KLHL29: variants seen among roughly 807,000 people sequenced by gnomAD.
KLHL29 encodes kelch-like protein 29.
In KLHL29, 21 loss-of-function variants were observed where a neutral mutation model predicts 80.4. That is an observed-to-expected ratio of 0.26 (90% CI 0.19 to 0.38). The LOEUF is 0.38. KLHL29 is among the 10% of genes least tolerant of loss of function. KLHL29 has a pLI of 1.00. For missense variants in KLHL29, 867 were observed against 1,223.9 expected, an observed-to-expected ratio of 0.71 and a Z score of 4.35; for synonymous variants, 511 against 526.8, an observed-to-expected ratio of 0.97 and a Z score of 0.41.
chr2:23,665,513 T>C (rs1224513783), intron 5 of KLHL29, among the ~76,000 whole-genome samples: 1 of 152,200 alleles, frequency 6.6e-6, no homozygotes, highest in Non-Finnish European at 1.5e-5. Flanking sequence ...CCTTTTCAAC[T>C]AGGGAACTGT....
chr2:23,578,513 T>C (rs1667897292), intron 3 of KLHL29, among the ~76,000 whole-genome samples: 1 of 152,242 alleles, frequency 6.6e-6, no homozygotes, highest in Non-Finnish European at 1.5e-5. Context: ...CAGAGCAGAC[T>C]CTGTAAGCAT....
rs1250704714 is a variant in KLHL29 at position 23,708,329 on chromosome 2, G to T, written c.*1665G>T. 2 of 152,226 alleles carry T rather than the reference G, an allele frequency of 1.3e-5. No homozygotes were observed. The highest frequency in any genetic ancestry group is 1.5e-5 in the Non-Finnish European group (1 of 68,046). 9.4% of individuals were successfully genotyped at this position (152,226 alleles called of 1,614,324 possible). A position where few individuals can be genotyped will look rare whatever the true frequency, so the allele number is the denominator to read the frequency against. On this transcript the variant is annotated 3_prime_UTR_variant, in exon 14 of 14. Coordinates refer to ENST00000486442, the MANE Select transcript of KLHL29 (RefSeq NM_052920.2). ...AGTATTTATGTCAAACAGGGTGCAAGTGTGAACCCAAGGACTGGAGCACAA... is the reference window on the plus strand; with the variant it reads ...AGTATTTATGTCAAACAGGGTGCAATTGTGAACCCAAGGACTGGAGCACAA...
At chr2:23,399,488 ATG>A (rs1666535683) in intron 1 of KLHL29, among the ~76,000 whole-genome samples, 1 of 152,348 alleles carries the variant, frequency 6.6e-6, no homozygotes, top group South Asian at 2.1e-4. Context: ...TAGGAAAAAA[ATG>A]TGTTTTACAA....
At chr2:23,601,183 A>C (rs1357757098) in intron 3 of KLHL29, among the ~76,000 whole-genome samples, 1 of 152,180 alleles carries the variant, frequency 6.6e-6, no homozygotes. Flanking sequence ...CCAAGACCGC[A>C]CAAAAAGGCG....
rs1373298491 is a variant in KLHL29, at chr2:23,707,926, G to A, written c.*1262G>A. 1 of 152,254 alleles carries A rather than the reference G, an allele frequency of 6.6e-6. No individual in the cohort carries two copies. 9.4% of individuals were successfully genotyped at this position (152,254 alleles called of 1,614,324 possible). A position where few individuals can be genotyped will look rare whatever the true frequency, so the allele number is the denominator to read the frequency against. On this transcript the variant is annotated 3_prime_UTR_variant, in exon 14 of 14. Coordinates refer to ENST00000486442, the MANE Select transcript of KLHL29 (RefSeq NM_052920.2). Reference sequence around the variant, plus strand: ...TCACACCATGGCTCAAAAGGGAAAGGCCTTCCCACTTGTCCTTAGCCCCTC... The same window carrying A: ...TCACACCATGGCTCAAAAGGGAAAGACCTTCCCACTTGTCCTTAGCCCCTC...
chr2:23,561,983 T>C (rs768901846), intron 2 of KLHL29, among the ~76,000 whole-genome samples, 169 bp from the exon 3 acceptor site: 26 of 152,142 alleles, frequency 1.7e-4, no homozygotes, highest in Non-Finnish European at 2.4e-4. Flanking sequence ...TCCTTGTCTG[T>C]GAAGTGGGGC....
chr2:23,586,471 T>A (rs544263126), intron 3 of KLHL29, among the ~76,000 whole-genome samples: 35 of 151,426 alleles, frequency 2.3e-4, no homozygotes, highest in Admixed American at 2.1e-3. Context: ...GCAATCCTTC[T>A]GCCTCAGCCT....
chr2:23,542,990 C>T (rs938422665), intron 2 of KLHL29, among the ~76,000 whole-genome samples: 22 of 152,202 alleles, frequency 1.4e-4, no homozygotes, highest in Admixed American at 8.5e-4. Flanking sequence ...GAACAAACCA[C>T]CCCAAACTGT....
At chr2:23,532,199 C>G (rs1229866507) in intron 2 of KLHL29, among the ~76,000 whole-genome samples, 1 of 152,194 alleles carries the variant, frequency 6.6e-6, no homozygotes. Flanking sequence ...AAGGCTGAGG[C>G]CATTTGACAT....
intron 3 of KLHL29, among the ~76,000 whole-genome samples, chr2:23,593,618 C>T (rs1347339679): frequency 1.3e-5 from 2 of 152,164 alleles, no homozygotes; most frequent in Non-Finnish European, 2.9e-5. Context: ...GATGGAAGGA[C>T]GTCAGACCCC....
In KLHL29 at chr2:23,562,309, G is replaced by A. The variant is rs564248042; in HGVS notation, c.113G>A (p.Gly38Glu). ...GTTSICSVTSGAGGGTASSLS... is the reference protein window; with the variant it reads ...GTTSICSVTSEAGGGTASSLS... ...ACCAGCATCTGCAGTGTCACCTCGGGGGCCGGTGGCGGCACAGCCAGCAGC... is the reference window on the plus strand; with the variant it reads ...ACCAGCATCTGCAGTGTCACCTCGGAGGCCGGTGGCGGCACAGCCAGCAGC... Residue 38 changes from glycine (G) to glutamate (E), a missense_variant, in exon 3 of 14, where the codon GGG (glycine) becomes GAG (glutamate). By Grantham distance (98) the Gly-to-Glu change is moderately conservative. Coordinates refer to ENST00000486442, the MANE Select transcript of KLHL29 (RefSeq NM_052920.2). The surrounding 1 kb of genome is among the most constrained non-coding windows in gnomAD (Gnocchi z 4.5). 15 of 1,545,502 alleles carry A rather than the reference G, an allele frequency of 9.7e-6. No individual in the cohort carries two copies. In the African/African-American group the frequency reaches 1.4e-4, roughly 14 times the overall value.
intron 3 of KLHL29, among the ~76,000 whole-genome samples, chr2:23,628,880 G>C (rs1224965603): frequency 6.6e-6 from 1 of 152,216 alleles, no homozygotes; most frequent in Non-Finnish European, 1.5e-5. Context: ...AGCTGACCCT[G>C]GGGAGGGCGG....
intron 3 of KLHL29, among the ~76,000 whole-genome samples, chr2:23,605,498 G>T (rs894501096): frequency 1.3e-5 from 2 of 152,076 alleles, no homozygotes; most frequent in Admixed American, 1.3e-4. Flanking sequence ...ACAGCCCCCG[G>T]CGCCCCAGGA....
intron 1 of KLHL29, among the ~76,000 whole-genome samples, chr2:23,429,256 AGCCCAGGGAGCCATGGTTGC>A (rs1663099077): frequency 6.6e-6 from 1 of 152,214 alleles, no homozygotes; most frequent in Non-Finnish European, 1.5e-5. Context: ...GCTTTTGTGC[AGCCCAGGGAGCCATGGTTGC>A]TGGCGCTGGG....
At position 23,696,228 on chromosome 2, in the gene KLHL29, G is replaced by A. The variant is rs1271401723; in HGVS notation, c.1924+95G>A. 30 of 1,490,974 alleles carry A rather than the reference G, an allele frequency of 2.0e-5. No individual in the cohort carries two copies. The highest frequency in any genetic ancestry group is 5.4e-6 in the Non-Finnish European group (6 of 1,101,820). 92.4% of individuals were successfully genotyped at this position (1,490,974 alleles called of 1,614,324 possible). On this transcript the variant is annotated intron_variant, in intron 10 of 13. Transcript: ENST00000486442. This position sits in a 1 kb window ranked among gnomAD's most constrained non-coding sequence, Gnocchi z 5.5. ...CTGAGGAAGGCCATGGCCCAGAAGTGTCTACTTTGCAGGTGAAGCCTTCCT... is the reference window on the plus strand; with the variant it reads ...CTGAGGAAGGCCATGGCCCAGAAGTATCTACTTTGCAGGTGAAGCCTTCCT...
chr2:23,496,527 A>G (rs1665270028), intron 2 of KLHL29, among the ~76,000 whole-genome samples: 4 of 151,962 alleles, frequency 2.6e-5, no homozygotes, highest in Non-Finnish European at 5.9e-5. Context: ...GTTTTCCCCC[A>G]AAAAGGGTAC....
intron 2 of KLHL29, among the ~76,000 whole-genome samples, chr2:23,554,281 C>A (rs1171574497): frequency 6.6e-6 from 1 of 152,230 alleles, no homozygotes; most frequent in Admixed American, 6.5e-5. Flanking sequence ...GAAAGGGAAA[C>A]TAAAATAATA....
intron 1 of KLHL29, among the ~76,000 whole-genome samples, chr2:23,454,672 T>C (rs1477617117): frequency 6.6e-6 from 1 of 152,180 alleles, no homozygotes; most frequent in Non-Finnish European, 1.5e-5. Flanking sequence ...CGTTATTTCA[T>C]TTGCACAGTC....
At chr2:23,575,705 G>A (rs1667826182) in intron 3 of KLHL29, among the ~76,000 whole-genome samples, 1 of 152,206 alleles carries the variant, frequency 6.6e-6, no homozygotes, top group African/African-American at 2.4e-5. Context: ...GCCTGCCTCA[G>A]GGCAGAAACA....
Sources: allele counts gnomAD v4.1 joint callset (sites outside exome capture counted in the v4.1 genomes callset), GRCh38; gene constraint gnomAD v4.1.1; non-coding constraint Gnocchi (gnomAD v3.1); transcripts MANE v1.5; gene names NCBI Gene and HGNC (gene_info 2026-07-23, HGNC 2026-07-21).